The following APBB2 variants were observed in gnomAD, a reference collection of about 807,000 sequenced individuals.
The protein encoded by APBB2 is amyloid beta precursor protein binding family B member 2.
In APBB2, 38 loss-of-function variants were observed where a neutral mutation model predicts 82.5. The ratio of observed to expected loss-of-function variants is 0.46; its 90% CI spans 0.36 to 0.60. APBB2 has a LOEUF of 0.60. Among genes scored for constraint, APBB2 ranks in the 20% least tolerant of loss-of-function variants. APBB2 has a pLI of 0.00. For synonymous variants in APBB2, 341 were observed against 368.2 expected, an observed-to-expected ratio of 0.93 and a Z score of 0.85; for missense variants, 772 against 972.3, an observed-to-expected ratio of 0.79 and a Z score of 2.74.
At chr4:41,030,091 GGTT>G (rs1162258272) in intron 5 of APBB2, among the ~76,000 whole-genome samples, 1 of 152,194 alleles carries the variant, frequency 6.6e-6, no homozygotes, top group East Asian at 1.9e-4. Context: ...GGGGGGCGAA[GGTT>G]GCAGTGAGCT....
intron 6 of APBB2, among the ~76,000 whole-genome samples, chr4:40,978,470 T>A (rs1269565771): frequency 6.6e-6 from 1 of 152,160 alleles, no homozygotes; most frequent in Non-Finnish European, 1.5e-5. Context: ...AAACACTGTC[T>A]TATCAACAAG....
chr4:41,160,525 G>C (rs369435531), intron 1 of APBB2, among the ~76,000 whole-genome samples: 1 of 152,138 alleles, frequency 6.6e-6, no homozygotes, highest in Non-Finnish European at 1.5e-5. Flanking sequence ...TTCAAGATAC[G>C]GCTCCACCAC....
chr4:41,139,943 A>G (rs990087723), intron 2 of APBB2, among the ~76,000 whole-genome samples: 4 of 152,250 alleles, frequency 2.6e-5, no homozygotes, highest in Admixed American at 1.3e-4. Flanking sequence ...CTCATCAATT[A>G]TAATATACCA....
chr4:40,885,733 G>A (rs533243843), intron 12 of APBB2, among the ~76,000 whole-genome samples: 12 of 152,280 alleles, frequency 7.9e-5, no homozygotes, highest in African/African-American at 2.4e-4. Flanking sequence ...GTGTTGCCAC[G>A]AATTTAAATG....
At chr4:40,921,378 T>C (rs956037998) in intron 10 of APBB2, among the ~76,000 whole-genome samples, 7 of 152,308 alleles carry the variant, frequency 4.6e-5, no homozygotes, top group Non-Finnish European at 1.0e-4. Context: ...GTTTGTACAA[T>C]GGGAATAATA....
At chr4:41,064,190 G>A (rs572031034) in intron 4 of APBB2, among the ~76,000 whole-genome samples, 49 of 151,754 alleles carry the variant, frequency 3.2e-4, no homozygotes, top group African/African-American at 1.0e-3. Flanking sequence ...GTGTTAGCCA[G>A]GATGGTCTCC....
chr4:41,011,052 T>C (rs1215404342), intron 6 of APBB2, among the ~76,000 whole-genome samples: 3 of 152,098 alleles, frequency 2.0e-5, no homozygotes, highest in Non-Finnish European at 2.9e-5. Flanking sequence ...TACTATGACA[T>C]AGATTAGTAT....
At chr4:41,040,269 C>T (rs1269511334) in intron 4 of APBB2, among the ~76,000 whole-genome samples, 1 of 152,160 alleles carries the variant, frequency 6.6e-6, no homozygotes, top group Non-Finnish European at 1.5e-5. Flanking sequence ...GATCTATCTA[C>T]AAAAACATAC....
chr4:41,107,916 G>A (rs1424092225), intron 2 of APBB2, among the ~76,000 whole-genome samples: 1 of 152,156 alleles, frequency 6.6e-6, no homozygotes, highest in Non-Finnish European at 1.5e-5. Flanking sequence ...GACTCATCCT[G>A]GATTGGGAGG....
chr4:40,916,868 G>C (rs1195555561), intron 10 of APBB2, among the ~76,000 whole-genome samples: 2 of 152,222 alleles, frequency 1.3e-5, no homozygotes, highest in Non-Finnish European at 2.9e-5. Context: ...GAAGTATGCA[G>C]TGAACGGGAG....
At chr4:41,079,768 C>T (rs940425275) in intron 3 of APBB2, among the ~76,000 whole-genome samples, 1 of 152,114 alleles carries the variant, frequency 6.6e-6, no homozygotes, top group South Asian at 2.1e-4. Context: ...AGGATGGTCT[C>T]GATCTCTTGA....
intron 6 of APBB2, among the ~76,000 whole-genome samples, chr4:40,976,159 TCTC>T (rs1460047470): frequency 6.6e-6 from 1 of 152,176 alleles, no homozygotes; most frequent in Non-Finnish European, 1.5e-5. Context: ...TCATTATTTC[TCTC>T]CTCTATAAAA....
intron 4 of APBB2, among the ~76,000 whole-genome samples, chr4:41,061,629 T>A (rs922826680): frequency 6.6e-5 from 10 of 152,250 alleles, no homozygotes; most frequent in Non-Finnish European, 1.3e-4. Context: ...AACATTGTTA[T>A]GTGGCACATG....
rs1329491730 is a variant in APBB2 at position 40,830,454 on chromosome 4, C to T, written c.1644+9G>A. 1.9e-6 allele frequency: 3 copies of T among 1,606,382 alleles called. No individual in the cohort carries two copies. The highest frequency in any genetic ancestry group is 1.7e-6 in the Non-Finnish European group (2 of 1,172,980). On this transcript the variant is annotated intron_variant, in intron 13 of 17. Coordinates refer to ENST00000508593, the MANE Select transcript of APBB2 (RefSeq NM_004307.2). ...GAGAGGCGGCCCATACTGCCCTGAC[C>T]CACCTTACCTTGGAGCAGATCTCGT...
At chr4:40,944,400 T>C (rs988009751) in intron 7 of APBB2, among the ~76,000 whole-genome samples, 6 of 152,216 alleles carry the variant, frequency 3.9e-5, no homozygotes, top group Admixed American at 3.3e-4. Context: ...AAATTAAGCA[T>C]CTGAGGGCTC....
chr4:41,065,200 C>T (rs570184947), intron 4 of APBB2, among the ~76,000 whole-genome samples: 1 of 152,080 alleles, frequency 6.6e-6, no homozygotes, highest in African/African-American at 2.4e-5. Context: ...GTGGAAGGAT[C>T]ACTTGAACCA....
intron 1 of APBB2, among the ~76,000 whole-genome samples, chr4:41,157,837 A>G (rs1160974819): frequency 6.6e-6 from 1 of 152,100 alleles, no homozygotes; most frequent in African/African-American, 2.4e-5. Flanking sequence ...CTAAAAATAC[A>G]AAAAATTAGC....
In APBB2 at chr4:41,132,773, T is replaced by A. The variant is rs555214216; in HGVS notation, c.-261+10214A>T. 1.3e-3 allele frequency among the ~76,000 whole-genome samples: 201 copies of A among 152,282 alleles called. 4 individuals are homozygous for A. The South Asian group carries it at 0.019, about 15-fold the overall frequency. Reference sequence around the variant, plus strand: ...ACTCTCCCCACAAAAATTGCTTACTTCCTCTGAACTCCCAGAGGACAAGAA... The same window carrying A: ...ACTCTCCCCACAAAAATTGCTTACTACCTCTGAACTCCCAGAGGACAAGAA... On this transcript the variant is annotated intron_variant, in intron 2 of 17. Transcript: ENST00000508593.
At chr4:41,012,582 TAAAC>T (rs1808696263) in intron 6 of APBB2, among the ~76,000 whole-genome samples, 1 of 152,204 alleles carries the variant, frequency 6.6e-6, no homozygotes, top group African/African-American at 2.4e-5. Flanking sequence ...TTTTTCTTCT[TAAAC>T]AAGTTAATGT....
Sources: gnomAD v4.1 joint callset for allele counts (sites outside exome capture counted in the v4.1 genomes callset) on GRCh38, gnomAD v4.1.1 for gene constraint, MANE v1.5 for transcripts, NCBI Gene and HGNC (gene_info 2026-07-23, HGNC 2026-07-21) for gene names.